RASGRP2: variants seen among roughly 807,000 people sequenced by gnomAD.
The protein encoded by RASGRP2 is RAS guanyl-releasing protein 2.
A neutral mutation model predicts 71.0 loss-of-function variants in RASGRP2; 44 were observed. That is an observed-to-expected ratio of 0.62 (90% CI 0.49 to 0.80). The LOEUF is 0.80. RASGRP2 is among the 30% of genes least tolerant of loss of function. RASGRP2 has a pLI of 0.00. For synonymous variants in RASGRP2, 350 were observed against 330.7 expected (o/e 1.06, Z -0.63); for missense variants, 663 against 813.4 (o/e 0.82, Z 2.25).
upstream of RASGRP2, chr11:64,744,815 CGCTGCG>C (rs1343611327): frequency 6.7e-6 from 1 of 149,180 alleles, no homozygotes; most frequent in Non-Finnish European, 1.5e-5. Flanking sequence ...CCGCCGGCCT[CGCTGCG>C]GCTGCGGCTC....
intron 3 of RASGRP2, 85 bp downstream of exon 3, chr11:64,741,925 G>A: frequency 2.6e-6 from 3 of 1,164,906 alleles, no homozygotes; most frequent in Non-Finnish European, 3.8e-6. Flanking sequence ...ACTTAGGAGC[G>A]AGGCTCATTC....
In RASGRP2 at chr11:64,731,288, G is replaced by A. The variant is rs2057758645; in HGVS notation, c.1413-1094C>T. On this transcript the variant is annotated intron_variant, in intron 12 of 16. Coordinates refer to ENST00000394432, the MANE Select transcript of RASGRP2 (RefSeq NM_001098671.2). ...CGAGAATCACTTGAACCTGGGAGGT[G>A]GAGGTTGCAGCGAGCCAAGATCATG... is the stretch of plus-strand genomic sequence containing the variant. 2.0e-5 allele frequency among the ~76,000 whole-genome samples: 3 copies of A among 151,792 alleles called. 1 individual carries two copies. The highest frequency in any genetic ancestry group is 2.0e-4 in the Admixed American group (3 of 15,244).
intron 12 of RASGRP2, among the ~76,000 whole-genome samples, chr11:64,732,294 G>A (rs1337518656): frequency 1.3e-5 from 2 of 152,204 alleles, no homozygotes; most frequent in African/African-American, 4.8e-5. Context: ...GAGGTGGGCA[G>A]ATCACCTGAG....
chr11:64,743,409 G>GAA lies in RASGRP2; in HGVS notation c.-71-474_-71-473dup, dbSNP rs1382269066. 6 of 362,216 alleles carry GAA rather than the reference G, an allele frequency of 1.7e-5. No individual in the cohort carries two copies. The highest frequency in any genetic ancestry group is 3.3e-5 in the Non-Finnish European group (6 of 182,920). 22.4% of individuals were successfully genotyped at this position (362,216 alleles called of 1,614,324 possible). On this transcript the variant is annotated intron_variant, in intron 1 of 16. Coordinates refer to ENST00000394432, the MANE Select transcript of RASGRP2 (RefSeq NM_001098671.2). This position sits in a 1 kb window ranked among gnomAD's most constrained non-coding sequence, Gnocchi z 4.9. ...CCCTGGTATGGGAGGTGGGGGGAGA[G>GAA]AACCCAGGCGTCCTGCCCGCCTCGC...
intron 15 of RASGRP2, among the ~76,000 whole-genome samples, chr11:64,727,625 G>A (rs924761133): frequency 6.7e-6 from 1 of 149,914 alleles, no homozygotes. Context: ...CGATTCTCGT[G>A]CCTCAGCCTC....
chr11:64,736,025 G>A (rs763560992), intron 9 of RASGRP2, 45 bp from the exon 10 acceptor site: 2 of 1,532,294 alleles, frequency 1.3e-6, no homozygotes, highest in South Asian at 2.2e-5. Flanking sequence ...CCTGCCCACA[G>A]CCACAGAGCC....
chr11:64,729,885 T>C, intron 13 of RASGRP2, 87 bp from the exon 14 acceptor site: 11 of 1,587,488 alleles, frequency 6.9e-6, no homozygotes, highest in Non-Finnish European at 9.5e-6. Flanking sequence ...ACTAGGGCTT[T>C]AGAGCCCGCC....
rs1219237808 is a variant in RASGRP2, at chr11:64,739,857, AC to A, written c.523-49del. On this transcript the variant is annotated intron_variant, in intron 6 of 16. Coordinates refer to ENST00000394432, the MANE Select transcript of RASGRP2 (RefSeq NM_001098671.2). This position sits in a 1 kb window ranked among gnomAD's most constrained non-coding sequence, Gnocchi z 4.2. ...CAGCACCTTGCTGGCCTCTCCCCTC[AC>A]TGATAGCCACTCCTCACCCTCCAGC... 3.7e-6 allele frequency: 6 copies of A among 1,610,846 alleles called. No individual in the cohort carries two copies. The highest frequency in any genetic ancestry group is 2.7e-5 in the African/African-American group (2 of 74,940).
In RASGRP2 at chr11:64,735,144, G is replaced by A; in HGVS notation, c.1380C>T (p.Tyr460=). Residue 460 remains tyrosine (Y), a synonymous_variant, in exon 12 of 17, where the codon TAC becomes TAT. Transcript: ENST00000394432. The surrounding 1 kb of genome is among the most constrained non-coding windows in gnomAD (Gnocchi z 4.2). ...GGTCGAGGTCCCCAAAGGCGCTGAG[G>A]TAAGGGAAGTTCCCACGGATGATCT... ...EFQIIRGNFP[Y]LSAFGDLDQN... 1 of 1,614,198 alleles carries A rather than the reference G, an allele frequency of 6.2e-7. No homozygotes were observed. The highest frequency in any genetic ancestry group is 8.5e-7 in the Non-Finnish European group (1 of 1,180,022).
chr11:64,731,903 A>G (rs2057777761), intron 12 of RASGRP2, among the ~76,000 whole-genome samples: 1 of 152,200 alleles, frequency 6.6e-6, no homozygotes, highest in African/African-American at 2.4e-5. Context: ...TAGAATGTGC[A>G]TATCTTTTGA....
In RASGRP2 at chr11:64,740,120, C is replaced by T. The variant is rs1279260532; in HGVS notation, c.415G>A (p.Val139Met). ...GACATCTTGCGCTTTTTCTGTCCCA[C>T]AGGGTTCCGCTGAGTCACCTGCCGC... ...WKRQVTQRNP[V>M]GQKKRKMSLL... is the part of the protein sequence containing the mutation. Residue 139 changes from valine (V) to methionine (M), a missense_variant, in exon 6 of 17, where the codon GTG becomes ATG. Physicochemically the swap from Val to Met is conservative, Grantham distance 21. Coordinates refer to ENST00000394432, the MANE Select transcript of RASGRP2 (RefSeq NM_001098671.2). 3 of 1,614,054 alleles carry T rather than the reference C, an allele frequency of 1.9e-6. No individual in the cohort carries two copies. The highest frequency in any genetic ancestry group is 2.7e-5 in the African/African-American group (2 of 74,938).
chr11:64,740,974 G>T lies in RASGRP2; in HGVS notation c.345C>A (p.His115Gln). The T allele has an allele frequency of 3.1e-6, 5 of 1,613,900 alleles. No homozygotes were observed. The highest frequency in any genetic ancestry group is 4.2e-6 in the Non-Finnish European group (5 of 1,179,978). The change falls in exon 5 of 17, where the codon CAC becomes CAA. Residue 115 changes from histidine to glutamine, a missense_variant. Physicochemically the swap from His to Gln is conservative, Grantham distance 24. Transcript: ENST00000394432. ...ALLDQEGNRR[H>Q]SSLIDIDSVP... The stretch of plus-strand genomic sequence containing the variant: ...CGCTGTCTATGTCGATTAGGCTGCT[G>T]TGCCGTCGGTTCCCTTCTTGGTCTA...
chr11:64,743,527 T>C lies in RASGRP2; in HGVS notation c.-72+476A>G. ...GGCGGACTGGATGGGAGAGGAACAT[T>C]CCTGGGGCGGGGGGAGCCCGCTGCG... is the stretch of plus-strand genomic sequence containing the variant. On this transcript the variant is annotated intron_variant, in intron 1 of 16. Coordinates refer to ENST00000394432, the MANE Select transcript of RASGRP2 (RefSeq NM_001098671.2). This position sits in a 1 kb window ranked among gnomAD's most constrained non-coding sequence, Gnocchi z 4.9. The C allele has an allele frequency of 3.0e-6, 1 of 337,362 alleles. No homozygotes were observed. The allele number at this position is 337,362 out of a possible 1,614,324, so 20.9% of individuals were successfully genotyped here.
intron 8 of RASGRP2, among the ~76,000 whole-genome samples, chr11:64,738,264 C>G (rs2058011842): frequency 6.6e-6 from 1 of 152,248 alleles, no homozygotes; most frequent in Non-Finnish European, 1.5e-5. Context: ...CGCATACCTA[C>G]ATGGTGAAGC....
chr11:64,742,113 C>G lies in RASGRP2; in HGVS notation c.74-1G>C. 1 of 1,583,942 alleles carries G rather than the reference C, an allele frequency of 6.3e-7. No homozygotes were observed. The highest frequency in any genetic ancestry group is 2.3e-5 in the East Asian group (1 of 43,218). ...GGGTCCCGCACCTTCCCGGAGTCAT[C>G]TGACTCCGAAGGGTCAAAGACAGGT... On this transcript the variant is annotated splice_acceptor_variant, in intron 2 of 16. Coordinates refer to ENST00000394432, the MANE Select transcript of RASGRP2 (RefSeq NM_001098671.2). LOFTEE classifies it high-confidence loss of function. The surrounding 1 kb of genome is among the most constrained non-coding windows in gnomAD (Gnocchi z 4.7).
At position 64,739,275 on chromosome 11, in the gene RASGRP2, C is replaced by T. The variant is rs772428314; in HGVS notation, c.813+85G>A. On this transcript the variant is annotated intron_variant, in intron 8 of 16. Coordinates refer to ENST00000394432, the MANE Select transcript of RASGRP2 (RefSeq NM_001098671.2). This position sits in a 1 kb window ranked among gnomAD's most constrained non-coding sequence, Gnocchi z 4.2. ...CATTTCCATATCTATCAAATGAGGA[C>T]AGCTGTGCCCAGCCCCCAGTGCTGC... The T allele has an allele frequency of 3.6e-5, 37 of 1,025,560 alleles. No homozygotes were observed. The highest frequency in any genetic ancestry group is 5.2e-5 in the Non-Finnish European group (34 of 648,748). 63.5% of individuals were successfully genotyped at this position (1,025,560 alleles called of 1,614,324 possible). A position where few individuals can be genotyped will look rare whatever the true frequency, so the allele number is the denominator to read the frequency against.
At position 64,742,201 on chromosome 11, in the gene RASGRP2, C is replaced by A; in HGVS notation, c.74-89G>T. ...ACCCCGCAACCCGCCAGGTATCGGT[C>A]CTTCGGGTGCACGCTCGACCCCGCC... On this transcript the variant is annotated intron_variant, in intron 2 of 16. Transcript: ENST00000394432. This position sits in a 1 kb window ranked among gnomAD's most constrained non-coding sequence, Gnocchi z 4.7. 1 of 1,024,878 alleles carries A rather than the reference C, an allele frequency of 9.8e-7. No homozygotes were observed. Among genetic ancestry groups the A allele is most frequent in the South Asian group, 1.4e-5 (1 of 73,374 alleles). The allele number at this position is 1,024,878 out of a possible 1,614,324, so 63.5% of individuals were successfully genotyped here. A position where few individuals can be genotyped will look rare whatever the true frequency, so the allele number is the denominator to read the frequency against.
At chr11:64,738,387 TAC>T (rs1309529658) in intron 8 of RASGRP2, among the ~76,000 whole-genome samples, 1 of 152,196 alleles carries the variant, frequency 6.6e-6, no homozygotes, top group Non-Finnish European at 1.5e-5. Context: ...GGGCAGTAGT[TAC>T]ACAGTGTTTT....
At position 64,743,576 on chromosome 11, in the gene RASGRP2, C is replaced by T. The variant is rs745527959; in HGVS notation, c.-72+427G>A. 1 of 353,640 alleles carries T rather than the reference C, an allele frequency of 2.8e-6. No individual in the cohort carries two copies. 21.9% of individuals were successfully genotyped at this position (353,640 alleles called of 1,614,324 possible). A position where few individuals can be genotyped will look rare whatever the true frequency, so the allele number is the denominator to read the frequency against. The stretch of plus-strand genomic sequence containing the variant: ...CGGCCAGGAGGCGTCAGCGGGAAGC[C>T]TGAGCCTGGGAACTGAGCGCTCCCA... On this transcript the variant is annotated intron_variant, in intron 1 of 16. Transcript: ENST00000394432. This position sits in a 1 kb window ranked among gnomAD's most constrained non-coding sequence, Gnocchi z 4.9.
Sources: allele counts gnomAD v4.1 joint callset (sites outside exome capture counted in the v4.1 genomes callset), GRCh38; gene constraint gnomAD v4.1.1; non-coding constraint Gnocchi (gnomAD v3.1); transcripts MANE v1.5; gene names NCBI Gene and HGNC (gene_info 2026-07-23, HGNC 2026-07-21).